The following GLIS3 variants were observed in gnomAD, a reference collection of about 807,000 sequenced individuals.
GLIS3 encodes GLIS family zinc finger 3.
Under a neutral mutation model 78.6 loss-of-function variants are expected in GLIS3, and 53 were observed. The observed-to-expected ratio is 0.67, with a 90% CI of 0.54 to 0.85. GLIS3 has a LOEUF of 0.85. GLIS3 is among the 40% of genes least tolerant of loss of function. GLIS3 has a pLI of 0.00. For synonymous variants in GLIS3, 684 were observed against 509.9 expected, an observed-to-expected ratio of 1.34 and a Z score of -4.60; for missense variants, 1,703 against 1,231.1, an observed-to-expected ratio of 1.38 and a Z score of -5.74.
At chr9:4,362,241 T>C in the GLIS3 span, among the ~76,000 whole-genome samples, 1 of 151,640 alleles carries the variant, frequency 6.6e-6, no homozygotes, top group African/African-American at 2.4e-5. Flanking sequence ...TATGGATTTT[T>C]TTCCTTACTT....
Position 3,828,081 on chromosome 9 carries a change from A to G in GLIS3, c.*191T>C, listed in dbSNP as rs1267691966. 1.1e-5 allele frequency: 7 copies of G among 638,842 alleles called. No homozygotes were observed. Among genetic ancestry groups the G allele is most frequent in the Non-Finnish European group, 1.9e-5 (7 of 366,516 alleles). The allele number at this position is 638,842 out of a possible 1,614,324, so 39.6% of individuals were successfully genotyped here. A position where few individuals can be genotyped will look rare whatever the true frequency, so the allele number is the denominator to read the frequency against. On this transcript the variant is annotated 3_prime_UTR_variant, in exon 11 of 11. Transcript: ENST00000381971. Reference sequence around the variant, plus strand: ...TAGTCCAGGAAAACCAGAGAGAAAAAGGAGCAACTGTAATGATTCCTGCAA... The same window carrying G: ...TAGTCCAGGAAAACCAGAGAGAAAAGGGAGCAACTGTAATGATTCCTGCAA...
chr9:3,949,074 C>G (rs962910733), intron 4 of GLIS3, among the ~76,000 whole-genome samples: 1 of 152,150 alleles, frequency 6.6e-6, no homozygotes, highest in African/African-American at 2.4e-5. Context: ...AGTTATTTAA[C>G]CAAGTATTCC....
intron 2 of GLIS3, among the ~76,000 whole-genome samples, chr9:4,181,600 A>G (rs952611399): frequency 3.3e-5 from 5 of 152,366 alleles, no homozygotes; most frequent in Non-Finnish European, 5.9e-5. Flanking sequence ...AAAGTACTGT[A>G]CAGTCTGCCA....
the GLIS3 span, among the ~76,000 whole-genome samples, chr9:4,409,714 C>A: frequency 6.6e-6 from 1 of 151,922 alleles, no homozygotes; most frequent in African/African-American, 2.4e-5. Flanking sequence ...GTTGAAGAAG[C>A]AAGGAACAAA....
At chr9:3,895,680 G>C (rs1822780714) in intron 7 of GLIS3, among the ~76,000 whole-genome samples, 1 of 152,298 alleles carries the variant, frequency 6.6e-6, no homozygotes, top group East Asian at 1.9e-4. Flanking sequence ...AGACTTGTAT[G>C]TTCCAGAACT....
In GLIS3 at chr9:3,955,088, T is replaced by G. The variant is rs143523066; in HGVS notation, c.1711-17899A>C. Among the ~76,000 whole-genome samples, 16 of 152,082 alleles carry G rather than the reference T, an allele frequency of 1.1e-4. No individual in the cohort carries two copies. The East Asian group carries it at 3.1e-3, about 29-fold the overall frequency. On this transcript the variant is annotated intron_variant, in intron 4 of 10. Coordinates refer to ENST00000381971, the MANE Select transcript of GLIS3 (RefSeq NM_001042413.2). ...GGGGACAGGCTGGGGAGAGAGAGCA[T>G]AGGCTGGAGTTAGTGGCTGTGCCAA...
intron 2 of GLIS3, among the ~76,000 whole-genome samples, chr9:4,316,670 C>T (rs1427776955): frequency 6.6e-6 from 1 of 152,150 alleles, no homozygotes; most frequent in African/African-American, 2.4e-5. Flanking sequence ...TGAGTGTGCC[C>T]TGAGATGGGA....
intron 4 of GLIS3, among the ~76,000 whole-genome samples, chr9:4,040,820 A>G (rs1824747017): frequency 1.3e-5 from 2 of 152,176 alleles, no homozygotes; most frequent in Non-Finnish European, 2.9e-5. Flanking sequence ...CAACTGGGTC[A>G]TTGTTCTTTA....
intron 2 of GLIS3, among the ~76,000 whole-genome samples, chr9:4,170,838 A>G (rs1332390202): frequency 5.9e-5 from 9 of 152,208 alleles, no homozygotes; most frequent in Non-Finnish European, 1.0e-4. Context: ...CTAGTAAAAA[A>G]TGTTCATGAA....
chr9:3,890,590 T>A lies in GLIS3; in HGVS notation c.2128+8101A>T, dbSNP rs78269706. 3.7e-3 allele frequency among the ~76,000 whole-genome samples: 568 copies of A among 152,266 alleles called. 2 individuals carry two copies. The highest frequency in any genetic ancestry group is 0.013 in the African/African-American group (538 of 41,560). ...TTTATGTTATCTCATTTAGTTCTCA[T>A]AGCAGTCCTATGGAGTCAGTATTAT... On this transcript the variant is annotated intron_variant, in intron 7 of 10. Coordinates refer to ENST00000381971, the MANE Select transcript of GLIS3 (RefSeq NM_001042413.2).
At chr9:3,971,569 G>T (rs539200936) in intron 4 of GLIS3, among the ~76,000 whole-genome samples, 1 of 152,274 alleles carries the variant, frequency 6.6e-6, no homozygotes, top group East Asian at 1.9e-4. Context: ...CAACTGACAT[G>T]CAAGGGCTCT....
At chr9:4,084,429 A>G (rs542219586) in intron 4 of GLIS3, among the ~76,000 whole-genome samples, 13 of 152,296 alleles carry the variant, frequency 8.5e-5, no homozygotes, top group Non-Finnish European at 1.6e-4. Context: ...TGCTAATGCT[A>G]TCAAGCCAAG....
At chr9:4,420,802 G>T in the GLIS3 span, among the ~76,000 whole-genome samples, 1 of 152,138 alleles carries the variant, frequency 6.6e-6, no homozygotes, top group Non-Finnish European at 1.5e-5. Context: ...AAGATGGATT[G>T]CACCTTGCAA....
At chr9:4,108,626 A>C (rs1586692128) in intron 4 of GLIS3, among the ~76,000 whole-genome samples, 2 of 152,308 alleles carry the variant, frequency 1.3e-5, no homozygotes, top group Middle Eastern at 6.8e-3. Flanking sequence ...AGTGACAAAA[A>C]AGAGTCAGCA....
chr9:4,482,077 T>C, the GLIS3 span, among the ~76,000 whole-genome samples: 1 of 152,260 alleles, frequency 6.6e-6, no homozygotes, highest in Non-Finnish European at 1.5e-5. Context: ...TTTGCATTTA[T>C]TAATTTAAAT....
intron 4 of GLIS3, among the ~76,000 whole-genome samples, chr9:4,032,577 A>T (rs1009093861): frequency 6.6e-6 from 1 of 152,262 alleles, no homozygotes; most frequent in South Asian, 2.1e-4. Context: ...ATCATGTAGC[A>T]GCCTAACAAA....
At chr9:4,451,049 C>T in the GLIS3 span, among the ~76,000 whole-genome samples, 1 of 152,174 alleles carries the variant, frequency 6.6e-6, no homozygotes, top group Admixed American at 6.5e-5. Flanking sequence ...AAGGCAAGTA[C>T]TGGCATATTG....
intron 2 of GLIS3, among the ~76,000 whole-genome samples, chr9:4,241,333 A>G (rs1823290517): frequency 6.6e-6 from 1 of 152,216 alleles, no homozygotes; most frequent in Non-Finnish European, 1.5e-5. Flanking sequence ...CAAGGCAGAG[A>G]GGTTGATTAA....
chr9:3,864,445 T>C (rs1820436906), intron 8 of GLIS3, among the ~76,000 whole-genome samples: 1 of 152,218 alleles, frequency 6.6e-6, no homozygotes, highest in Non-Finnish European at 1.5e-5. Context: ...CCCAGTATCC[T>C]TCTCATGGTT....
Sources: allele counts gnomAD v4.1 joint callset (sites outside exome capture counted in the v4.1 genomes callset), GRCh38; gene constraint gnomAD v4.1.1; transcripts MANE v1.5; gene names NCBI Gene and HGNC (gene_info 2026-07-23, HGNC 2026-07-21).